The following B3GALT1 variants were observed in gnomAD, a reference collection of about 807,000 sequenced individuals.
B3GALT1 encodes the protein UDP-Gal:betaGlcNAc beta 1,3-galactosyltransferase, polypeptide 1.
In B3GALT1, 10 loss-of-function variants were observed where a neutral mutation model predicts 23.2. The observed-to-expected ratio is 0.43, with a 90% CI of 0.27 to 0.73. The LOEUF (loss-of-function observed/expected upper bound fraction) is 0.73. Ranked by LOEUF, B3GALT1 falls within the 30% of genes least tolerant of loss-of-function variation. The probability of loss-of-function intolerance (pLI) is 0.21; values close to 1 mark genes in which losing one functional copy is unlikely to be tolerated. For missense variants in B3GALT1, 299 were observed against 405.4 expected (o/e 0.74, Z 2.25); for synonymous variants, 156 against 141.5 (o/e 1.10, Z -0.73).
intron 1 of B3GALT1, among the ~76,000 whole-genome samples, chr2:167,450,373 A>G (rs1201922653): frequency 1.3e-5 from 2 of 152,030 alleles, no homozygotes; most frequent in African/African-American, 4.8e-5. Context: ...TTTCTAGTTT[A>G]TACATGTAGA....
chr2:167,325,915 A>G (rs1480268671), intron 1 of B3GALT1, among the ~76,000 whole-genome samples: 5 of 151,436 alleles, frequency 3.3e-5, no homozygotes, highest in Admixed American at 2.0e-4. Context: ...ATGGGCTTTC[A>G]CCATGTTGGC....
chr2:167,862,392 G>A (rs1393814401), intron 4 of B3GALT1, among the ~76,000 whole-genome samples: 1 of 152,208 alleles, frequency 6.6e-6, no homozygotes, highest in East Asian at 1.9e-4. Context: ...CACAGCTTAA[G>A]CAGAGAGAGC....
intron 3 of B3GALT1, among the ~76,000 whole-genome samples, chr2:167,656,960 C>A (rs960675005): frequency 6.6e-6 from 1 of 151,750 alleles, no homozygotes; most frequent in African/African-American, 2.4e-5. Context: ...AGTGAAGAAG[C>A]CAGAGCTCAC....
At chr2:167,329,348 G>A (rs1035685879) in intron 1 of B3GALT1, among the ~76,000 whole-genome samples, 15 of 152,018 alleles carry the variant, frequency 9.9e-5, no homozygotes, top group Admixed American at 3.3e-4. Flanking sequence ...GTTTTATTCC[G>A]TACTGGTCTG....
intron 2 of B3GALT1, among the ~76,000 whole-genome samples, chr2:167,636,305 A>C (rs1345527394): frequency 6.6e-6 from 1 of 151,734 alleles, no homozygotes; most frequent in Non-Finnish European, 1.5e-5. Flanking sequence ...CCCACCTAGA[A>C]ATTCAAAAGA....
chr2:167,378,697 T>C (rs961023099), intron 1 of B3GALT1, among the ~76,000 whole-genome samples: 1 of 152,124 alleles, frequency 6.6e-6, no homozygotes, highest in Non-Finnish European at 1.5e-5. Flanking sequence ...TTTAAAGATA[T>C]CTATTTCTTA....
intron 1 of B3GALT1, among the ~76,000 whole-genome samples, chr2:167,463,291 T>C (rs1699294418): frequency 6.6e-6 from 1 of 152,150 alleles, no homozygotes; most frequent in African/African-American, 2.4e-5. Context: ...ATCAGGAACA[T>C]AGTATCATGT....
chr2:167,303,246 T>C (rs933220951), intron 1 of B3GALT1, among the ~76,000 whole-genome samples: 3 of 152,176 alleles, frequency 2.0e-5, no homozygotes, highest in Non-Finnish European at 4.4e-5. Context: ...GAAATTTATG[T>C]GTTTAATTTT....
intron 1 of B3GALT1, among the ~76,000 whole-genome samples, chr2:167,396,553 TG>T (rs1698101449): frequency 6.6e-6 from 1 of 151,240 alleles, no homozygotes; most frequent in Non-Finnish European, 1.5e-5. Context: ...TGTGTGTGTG[TG>T]TGTGTGTGTG....
intron 1 of B3GALT1, among the ~76,000 whole-genome samples, chr2:167,361,646 G>A (rs1038658660): frequency 2.6e-5 from 4 of 152,166 alleles, no homozygotes; most frequent in African/African-American, 9.7e-5. Flanking sequence ...GCAACTTACT[G>A]CTTAGCATTC....
At chr2:167,825,283 C>CAAAAAAAAAAAAAAAA (rs71963760) in intron 4 of B3GALT1, among the ~76,000 whole-genome samples, 69 of 82,194 alleles carry the variant, frequency 8.4e-4, no homozygotes, top group African/African-American at 3.3e-3. Context: ...GACTCCGTCT[C>CAAAAAAAAAAAAAAAA]AAAAAAAAAA....
chr2:167,722,434 C>T (rs770185448), intron 3 of B3GALT1, among the ~76,000 whole-genome samples: 3 of 152,198 alleles, frequency 2.0e-5, no homozygotes, highest in Non-Finnish European at 4.4e-5. Context: ...CCACAGTTTT[C>T]AACTTTCCAA....
chr2:167,867,713 C>T (rs150011944), intron 4 of B3GALT1, among the ~76,000 whole-genome samples: 199 of 152,238 alleles, frequency 1.3e-3, no homozygotes, highest in African/African-American at 4.6e-3. Context: ...AAATTGATAC[C>T]TATTCTCTAC....
At position 167,842,866 on chromosome 2, in the gene B3GALT1, C is replaced by CAAT. The variant is rs550239622; in HGVS notation, c.-230+24090_-230+24092dup. Among the ~76,000 whole-genome samples the CAAT allele has an allele frequency of 4.0e-4, 60 of 151,756 alleles. No individual in the cohort carries two copies. In the East Asian group the frequency reaches 5.0e-3, roughly 13 times the overall value. ...CCAGCCTGCACAACAGACCCTGAAT[C>CAAT]AATAATAATAATAATAATATGTATT... On this transcript the variant is annotated intron_variant, in intron 4 of 4. Transcript: ENST00000392690.
intron 3 of B3GALT1, among the ~76,000 whole-genome samples, chr2:167,742,093 C>G (rs2105277229): frequency 6.6e-6 from 1 of 152,268 alleles, no homozygotes; most frequent in South Asian, 2.1e-4. Flanking sequence ...TTTACTGATG[C>G]TCTTCTGTGC....
At chr2:167,327,799 C>T (rs1407517449) in intron 1 of B3GALT1, among the ~76,000 whole-genome samples, 2 of 152,124 alleles carry the variant, frequency 1.3e-5, no homozygotes, top group Admixed American at 6.5e-5. Flanking sequence ...TGTCTTGTTA[C>T]AGTTCTTACA....
chr2:167,774,485 GTTTTTTTTTTTGTTTTTTT>G (rs1392055378), intron 3 of B3GALT1, among the ~76,000 whole-genome samples: 1 of 105,180 alleles, frequency 9.5e-6, no homozygotes, highest in Non-Finnish European at 2.0e-5. Context: ...TTTTTTTTTT[GTTTTTTTTTTTGTTTTTTT>G]TTTTTTTTTT....
chr2:167,557,847 C>T (rs2105385621), intron 2 of B3GALT1, among the ~76,000 whole-genome samples: 1 of 152,306 alleles, frequency 6.6e-6, no homozygotes, highest in Admixed American at 6.5e-5. Context: ...AGGAAGAATC[C>T]AATCTGTTGG....
At chr2:167,361,445 A>G (rs1697498605) in intron 1 of B3GALT1, among the ~76,000 whole-genome samples, 1 of 152,198 alleles carries the variant, frequency 6.6e-6, no homozygotes, top group Non-Finnish European at 1.5e-5. Flanking sequence ...CAATCAGGGG[A>G]TCCAGCAAAA....
Sources: allele counts gnomAD v4.1 joint callset (sites outside exome capture counted in the v4.1 genomes callset), GRCh38; gene constraint gnomAD v4.1.1; transcripts MANE v1.5; gene names NCBI Gene and HGNC (gene_info 2026-07-23, HGNC 2026-07-21).